The following ENTPD8 variants were observed in gnomAD, a reference collection of about 807,000 sequenced individuals.
ENTPD8 encodes E-NTPDase 8.
A neutral mutation model predicts 47.0 loss-of-function variants in ENTPD8; 35 were observed. The ratio of observed to expected loss-of-function variants is 0.75; its 90% CI spans 0.57 to 0.99. ENTPD8 has a LOEUF of 0.99. Ranked by LOEUF, ENTPD8 falls within the 50% of genes least tolerant of loss-of-function variation. The pLI is 0.00. For synonymous variants in ENTPD8, 308 were observed against 290.5 expected (o/e 1.06, Z -0.61); for missense variants, 668 against 649.9 (o/e 1.03, Z -0.30).
At chr9:137,437,588 A>C (rs1047015515) in intron 3 of ENTPD8, among the ~76,000 whole-genome samples, 15 of 152,326 alleles carry the variant, frequency 9.8e-5, no homozygotes, top group African/African-American at 3.6e-4. Context: ...CAGAGCCCCC[A>C]GGAAACAAAT....
intron 8 of ENTPD8, 23 bp from the exon 9 acceptor site, chr9:137,435,361 G>A: frequency 6.2e-7 from 1 of 1,600,814 alleles, no homozygotes; most frequent in East Asian, 2.2e-5. Flanking sequence ...AGACCAAGAG[G>A]CGAGGTGAGG....
At chr9:137,436,348 ACC>A in intron 6 of ENTPD8, 72 bp from the exon 7 acceptor site, 1 of 1,446,780 alleles carries the variant, frequency 6.9e-7, no homozygotes, top group East Asian at 3.0e-5. Flanking sequence ...GGGCCGGATG[ACC>A]CACGCCAGCC....
Position 137,434,706 on chromosome 9 carries a change from G to A in ENTPD8, c.*208C>T, listed in dbSNP as rs745722822. The A allele has an allele frequency of 7.6e-5, 52 of 681,724 alleles. No individual in the cohort carries two copies. Among genetic ancestry groups the A allele is most frequent in the Non-Finnish European group, 1.1e-4 (46 of 420,534 alleles). The allele number at this position is 681,724 out of a possible 1,614,324, so 42.2% of individuals were successfully genotyped here. ...CCTACGGCCCTGGAAGCCCAGTTGC[G>A]GAAGGAGGTTGGGGGAGGGACGCCG... On this transcript the variant is annotated 3_prime_UTR_variant, in exon 10 of 10. Transcript: ENST00000371506.
At chr9:137,437,836 C>A in intron 3 of ENTPD8, 131 bp downstream of exon 3, 1 of 827,214 alleles carries the variant, frequency 1.2e-6, no homozygotes, top group East Asian at 2.4e-5. Context: ...GGCTCCGGCC[C>A]AGCACCCATG....
At position 137,435,783 on chromosome 9, in the gene ENTPD8, G is replaced by A; in HGVS notation, c.1097C>T (p.Ser366Phe). 3 of 1,613,654 alleles carry A rather than the reference G, an allele frequency of 1.9e-6. No individual in the cohort carries two copies. Among genetic ancestry groups the A allele is most frequent in the South Asian group, 2.2e-5 (2 of 91,018 alleles). Residue 366 changes from serine to phenylalanine, a missense_variant, in exon 8 of 10, where the codon TCC (serine) becomes TTC (phenylalanine). Coordinates refer to ENST00000371506, the MANE Select transcript of ENTPD8 (RefSeq NM_001033113.2). ...YYTFHFLNLTSRQPLSTVNAT... is the reference protein window; with the variant it reads ...YYTFHFLNLTFRQPLSTVNAT... ...GTTGACCGTGCTCAGGGGCTGCCTG[G>A]AGGTGAGGTTCAGGAAGTGGAAGGT... is the stretch of plus-strand genomic sequence containing the variant.
Position 137,434,576 on chromosome 9 carries a change from C to A in ENTPD8, c.*338G>T, listed in dbSNP as rs1275919617. On this transcript the variant is annotated 3_prime_UTR_variant, in exon 10 of 10. Transcript: ENST00000371506. ...TCCTGAGGCCCCATCAGGAGCAGGA[C>A]CCCTGTGCCTCCGTGGTCTTGCCCT... 1.6e-6 allele frequency: 1 copy of A among 608,732 alleles called. No homozygotes were observed. Among genetic ancestry groups the A allele is most frequent in the South Asian group, 2.2e-5 (1 of 45,346 alleles). The allele number at this position is 608,732 out of a possible 1,614,324, so 37.7% of individuals were successfully genotyped here.
At chr9:137,439,210 C>A (rs943532752) in intron 1 of ENTPD8, among the ~76,000 whole-genome samples, 4 of 152,176 alleles carry the variant, frequency 2.6e-5, no homozygotes, top group Non-Finnish European at 5.9e-5. Flanking sequence ...GAGGTGGACC[C>A]AGGGATGCCA....
chr9:137,436,611 G>A lies in ENTPD8; in HGVS notation c.696C>T (p.Leu232=). Residue 232 remains leucine, a synonymous_variant, in exon 6 of 10, where the codon CTC becomes CTT. Transcript: ENST00000371506. ...TGTAGACGCTGTAGTCGGAGCCGTA[G>A]AGGCGAAAATCGGCCTGGGTGCTCT... ...LDKSTQADFR[L]YGSDYSVYTH... 6.2e-7 allele frequency: 1 copy of A among 1,610,856 alleles called. No individual in the cohort carries two copies. Among genetic ancestry groups the A allele is most frequent in the Non-Finnish European group, 8.5e-7 (1 of 1,179,252 alleles).
In ENTPD8 at chr9:137,441,354, A is replaced by G; in HGVS notation, c.-89T>C. ...TGCTTAGACGCTTCTGTGTCCGCGC[A>G]CCTGGCGTCCAGCCTCTCCCTGCCC... On this transcript the variant is annotated 5_prime_UTR_variant, in exon 1 of 10. Coordinates refer to ENST00000371506, the MANE Select transcript of ENTPD8 (RefSeq NM_001033113.2). The G allele has an allele frequency of 4.5e-6, 1 of 224,548 alleles. No homozygotes were observed. The highest frequency in any genetic ancestry group is 9.4e-6 in the Non-Finnish European group (1 of 106,574). 13.9% of individuals were successfully genotyped at this position (224,548 alleles called of 1,614,324 possible). A position where few individuals can be genotyped will look rare whatever the true frequency, so the allele number is the denominator to read the frequency against.
chr9:137,436,003 AGGTG>A lies in ENTPD8; in HGVS notation c.1050+6_1050+9del. 1 of 1,612,488 alleles carries A rather than the reference AGGTG, an allele frequency of 6.2e-7. No homozygotes were observed. Among genetic ancestry groups the A allele is most frequent in the Non-Finnish European group, 8.5e-7 (1 of 1,179,772 alleles). On this transcript the variant is annotated splice_donor_region_variant and intron_variant, in intron 7 of 9. Transcript: ENST00000371506. ...CCCGGACCCCTGGTGGGGGCAGTGTAGGTGCTCACATAGAACTGGCCCCGCAGCG... is the reference window on the plus strand; with the variant it reads ...CCCGGACCCCTGGTGGGGGCAGTGTACTCACATAGAACTGGCCCCGCAGCG...
chr9:137,436,286 G>GT lies in ENTPD8; in HGVS notation c.787-11_787-10insA. 1 of 1,566,336 alleles carries GT rather than the reference G, an allele frequency of 6.4e-7. No individual in the cohort carries two copies. Among genetic ancestry groups the GT allele is most frequent in the East Asian group, 2.3e-5 (1 of 44,256 alleles). ...GGGCAGCCGGGCGGCTCTGCAGAGG[G>GT]CAGGGAGGCCTGAGCACCAGCCGCA... On this transcript the variant is annotated splice_polypyrimidine_tract_variant and intron_variant, in intron 6 of 9. Coordinates refer to ENST00000371506, the MANE Select transcript of ENTPD8 (RefSeq NM_001033113.2).
Position 137,434,458 on chromosome 9 carries a change from C to T in ENTPD8, c.*456G>A. On this transcript the variant is annotated 3_prime_UTR_variant, in exon 10 of 10. Transcript: ENST00000371506. ...GGCCGGGCTGGCCCAGCAGAAGCCCCCAGGCCTGGACTCCATCCATCTGCT... is the reference window on the plus strand; with the variant it reads ...GGCCGGGCTGGCCCAGCAGAAGCCCTCAGGCCTGGACTCCATCCATCTGCT... 7.2e-7 allele frequency: 1 copy of T among 1,387,860 alleles called. No homozygotes were observed. The highest frequency in any genetic ancestry group is 2.4e-5 in the East Asian group (1 of 42,428). The allele number at this position is 1,387,860 out of a possible 1,614,324, so 86.0% of individuals were successfully genotyped here. A position where few individuals can be genotyped will look rare whatever the true frequency, so the allele number is the denominator to read the frequency against.
At chr9:137,435,405 A>G (rs1839315659) in intron 8 of ENTPD8, 67 bp from the exon 9 acceptor site, 3 of 1,556,454 alleles carry the variant, frequency 1.9e-6, no homozygotes, top group Non-Finnish European at 2.6e-6. Context: ...GGACCGCCCC[A>G]TCTGTCCTGG....
intron 8 of ENTPD8, 115 bp downstream of exon 8, chr9:137,435,604 C>A: frequency 8.7e-7 from 1 of 1,152,718 alleles, no homozygotes. Context: ...TCTGCCCTTG[C>A]CTCCCCCGGC....
chr9:137,436,447 G>C (rs1017533678), intron 6 of ENTPD8, 74 bp downstream of exon 6: 3 of 1,489,448 alleles, frequency 2.0e-6, no homozygotes, highest in Middle Eastern at 1.9e-4. Flanking sequence ...CCCCGGGGCC[G>C]GATGACCCAC....
At chr9:137,436,473 A>G (rs1390428070) in intron 6 of ENTPD8, 48 bp downstream of exon 6, 4 of 1,545,812 alleles carry the variant, frequency 2.6e-6, no homozygotes, top group South Asian at 1.2e-5. Flanking sequence ...CCCTGTGCCC[A>G]TAGCCCTGTT....
chr9:137,439,696 G>A (rs1283754583), intron 1 of ENTPD8, among the ~76,000 whole-genome samples: 1 of 152,046 alleles, frequency 6.6e-6, no homozygotes, highest in African/African-American at 2.4e-5. Flanking sequence ...CACCTCATAG[G>A]GACAAACAGG....
rs28725243 is a variant in ENTPD8 at position 137,434,813 on chromosome 9, G to C, written c.*101C>G. ...TGGCTGTCACCTGACCGTGGGCAGA[G>C]CCACAGAGCAAGGCCCCACGGCGCT... is the stretch of plus-strand genomic sequence containing the variant. On this transcript the variant is annotated 3_prime_UTR_variant, in exon 10 of 10. Transcript: ENST00000371506. 410,682 of 1,384,674 alleles carry C rather than the reference G, an allele frequency of 0.3. 65,314 individuals are homozygous for C. The highest frequency in any genetic ancestry group is 0.72 in the East Asian group (28,657 of 39,638). The allele number at this position is 1,384,674 out of a possible 1,614,324, so 85.8% of individuals were successfully genotyped here.
chr9:137,437,165 A>C lies in ENTPD8; in HGVS notation c.389T>G (p.Leu130Trp). Residue 130 changes from leucine (L) to tryptophan (W), a missense_variant, in exon 4 of 10, where the codon TTG becomes TGG. Transcript: ENST00000371506. ...AAGGCCATGCCTGCCTCACCTGAGCAACCTCATGCCAGCCGTGGCCCCCAG... is the reference window on the plus strand; with the variant it reads ...AAGGCCATGCCTGCCTCACCTGAGCCACCTCATGCCAGCCGTGGCCCCCAG... ...TFLGATAGMR[L>W]LSRKNSSQAR... 1 of 1,612,588 alleles carries C rather than the reference A, an allele frequency of 6.2e-7. No individual in the cohort carries two copies. The highest frequency in any genetic ancestry group is 8.5e-7 in the Non-Finnish European group (1 of 1,179,870).
Sources: gnomAD v4.1 joint callset for allele counts (sites outside exome capture counted in the v4.1 genomes callset) on GRCh38, gnomAD v4.1.1 for gene constraint, MANE v1.5 for transcripts, NCBI Gene and HGNC (gene_info 2026-07-23, HGNC 2026-07-21) for gene names.